ATP6V0A2: variants seen among roughly 807,000 people sequenced by gnomAD.
ATP6V0A2 encodes V-type proton ATPase 116 kDa subunit a 2.
In ATP6V0A2, 58 loss-of-function variants were observed where a neutral mutation model predicts 104.4. The observed-to-expected ratio is 0.56, with a 90% CI of 0.45 to 0.69. The LOEUF is 0.69. Among genes scored for constraint, ATP6V0A2 ranks in the 30% least tolerant of loss-of-function variants. ATP6V0A2 has a pLI of 0.00. For missense variants in ATP6V0A2, 938 were observed against 1,062.9 expected (o/e 0.88, Z 1.63); for synonymous variants, 376 against 397.9 (o/e 0.95, Z 0.65).
At chr12:123,717,530 G>C (rs933762319) in intron 1 of ATP6V0A2, among the ~76,000 whole-genome samples, 1 of 148,242 alleles carries the variant, frequency 6.7e-6, no homozygotes, top group Non-Finnish European at 1.5e-5. Flanking sequence ...CTGCAATCTC[G>C]ATCTCCTGGG....
rs7969410 is a variant in ATP6V0A2, at chr12:123,751,228, G to A, written c.2054G>A (p.Arg685Gln). Residue 685 changes from arginine (R) to glutamine (Q), a missense_variant and splice_region_variant, in exon 16 of 20, where the codon CGG (arginine) becomes CAG (glutamine). By Grantham distance (43) the Arg-to-Gln change is conservative. Transcript: ENST00000330342. ...GGGCGTAGTTGCTTCGGGGTGAACC[G>A]GGTAAGTGCGGGTTTGGATGCATTT... is the stretch of plus-strand genomic sequence containing the variant. Reference protein sequence around the residue: ...HNGRSCFGVNRSGYTLIRKDS... With the variant: ...HNGRSCFGVNQSGYTLIRKDS... 1.3e-3 allele frequency: 2,074 copies of A among 1,614,140 alleles called. 16 individuals are homozygous for A. The African/African-American group carries it at 0.023, about 18-fold the overall frequency.
At chr12:123,750,976 G>GAATGTTCC (rs1956708442) in intron 15 of ATP6V0A2, 134 bp from the exon 16 acceptor site, 2 of 1,233,736 alleles carry the variant, frequency 1.6e-6, no homozygotes. Flanking sequence ...GCTGGCAAGT[G>GAATGTTCC]TAGCTGGCTG....
rs944799611 is a variant in ATP6V0A2, at chr12:123,744,364, A to G, written c.1326+27A>G. On this transcript the variant is annotated intron_variant, in intron 11 of 19. Coordinates refer to ENST00000330342, the MANE Select transcript of ATP6V0A2 (RefSeq NM_012463.4). This position sits in a 1 kb window ranked among gnomAD's most constrained non-coding sequence, Gnocchi z 5.4. ...TAAAAATATAAACACTCCAGCTCATATATCTGGTTAGGTGGCATTAGCAGT... is the reference window on the plus strand; with the variant it reads ...TAAAAATATAAACACTCCAGCTCATGTATCTGGTTAGGTGGCATTAGCAGT... 1.7e-5 allele frequency: 27 copies of G among 1,613,962 alleles called. No homozygotes were observed. Among genetic ancestry groups the G allele is most frequent in the Non-Finnish European group, 2.2e-5 (26 of 1,179,824 alleles).
At position 123,737,067 on chromosome 12, in the gene ATP6V0A2, C is replaced by A. The variant is rs1486158713; in HGVS notation, c.834C>A (p.His278Gln). ...CTGTTGTTCTTCCCCAGGTACTGCACAAAACCGAGGACTATTTGAGGCAAG... is the reference window on the plus strand; with the variant it reads ...CTGTTGTTCTTCCCCAGGTACTGCAAAAAACCGAGGACTATTTGAGGCAAG... ...TRIQDLYTVL[H>Q]KTEDYLRQVL... The change falls in exon 9 of 20, where the codon CAC (histidine) becomes CAA (glutamine). Residue 278 changes from histidine to glutamine, a missense_variant. Transcript: ENST00000330342. The A allele has an allele frequency of 6.2e-7, 1 of 1,614,186 alleles. No individual in the cohort carries two copies. The highest frequency in any genetic ancestry group is 1.1e-5 in the South Asian group (1 of 91,090).
intron 4 of ATP6V0A2, among the ~76,000 whole-genome samples, chr12:123,725,383 A>T (rs1424197187): frequency 1.3e-5 from 2 of 152,166 alleles, no homozygotes; most frequent in East Asian, 1.9e-4. Context: ...GTTGAAAAAA[A>T]TTTTTATGAG....
In ATP6V0A2 at chr12:123,722,405, C is replaced by G; in HGVS notation, c.251C>G (p.Ala84Gly). The change falls in exon 3 of 20, where the codon GCC becomes GGC. Residue 84 changes from alanine (A) to glycine (G), a missense_variant. Transcript: ENST00000330342. ...GATATTCCCCTTCCTGAAGGAGAGGCCAGCCCTCCTGCGCCACCCCTGAAA... is the reference window on the plus strand; with the variant it reads ...GATATTCCCCTTCCTGAAGGAGAGGGCAGCCCTCCTGCGCCACCCCTGAAA... ...RADIPLPEGE[A>G]SPPAPPLKQV... 1 of 1,612,906 alleles carries G rather than the reference C, an allele frequency of 6.2e-7. No individual in the cohort carries two copies. Among genetic ancestry groups the G allele is most frequent in the East Asian group, 2.2e-5 (1 of 44,876 alleles).
Position 123,724,743 on chromosome 12 carries a change from C to T in ATP6V0A2, c.384C>T (p.Tyr128=), listed in dbSNP as rs1251814005. The change falls in exon 4 of 20, where the codon TAC becomes TAT. Residue 128 remains tyrosine, a synonymous_variant. Coordinates refer to ENST00000330342, the MANE Select transcript of ATP6V0A2 (RefSeq NM_012463.4). ...LRKNLLELIE[Y]THMLRVTKTF... is the part of the protein sequence containing the mutation. The stretch of plus-strand genomic sequence containing the variant: ...AAAACTTGCTGGAACTGATAGAGTA[C>T]ACTCACATGCTGAGAGTGACAAAGA... The T allele has an allele frequency of 6.2e-7, 1 of 1,613,712 alleles. No individual in the cohort carries two copies. The highest frequency in any genetic ancestry group is 8.5e-7 in the Non-Finnish European group (1 of 1,179,792).
intron 7 of ATP6V0A2, among the ~76,000 whole-genome samples, chr12:123,734,326 G>C (rs1956530475): frequency 6.6e-6 from 1 of 152,188 alleles, no homozygotes; most frequent in Non-Finnish European, 1.5e-5. Context: ...TGAGCTACCA[G>C]TCGGGCTTAC....
intron 6 of ATP6V0A2, among the ~76,000 whole-genome samples, chr12:123,729,817 T>C (rs1956483644): frequency 6.6e-6 from 1 of 152,006 alleles, no homozygotes; most frequent in Non-Finnish European, 1.5e-5. Flanking sequence ...GATTGATTGA[T>C]TGATTTTTAC....
At chr12:123,727,706 G>T (rs1460075501) in intron 5 of ATP6V0A2, 77 bp from the exon 6 acceptor site, 11 of 1,570,746 alleles carry the variant, frequency 7.0e-6, no homozygotes, top group Non-Finnish European at 9.6e-6. Flanking sequence ...TAGAAATGAA[G>T]TCTTCATCAT....
At chr12:123,757,854 T>TAACAAC in intron 19 of ATP6V0A2, 73 bp from the exon 20 acceptor site, 2 of 967,810 alleles carry the variant, frequency 2.1e-6, no homozygotes, top group Non-Finnish European at 3.1e-6. Context: ...TTTTTTTTTT[T>TAACAAC]AACTTATAAA....
intron 1 of ATP6V0A2, among the ~76,000 whole-genome samples, chr12:123,717,950 G>A (rs905991086): frequency 6.6e-6 from 1 of 151,638 alleles, no homozygotes; most frequent in African/African-American, 2.4e-5. Flanking sequence ...TTTGACCCAG[G>A]GTCTCACTGT....
chr12:123,757,032 C>G, intron 19 of ATP6V0A2, 46 bp downstream of exon 19: 1 of 1,605,358 alleles, frequency 6.2e-7, no homozygotes, highest in Non-Finnish European at 8.5e-7. Flanking sequence ...AAAAACATAC[C>G]CGCCCCCCCA....
rs372872155 is a variant in ATP6V0A2, at chr12:123,759,907, A to G, written c.*1875A>G. ...GATGCCGATGAAATGCTTGAAAATGATTCTGCTCTCAAAGTTATGCTTCCC... is the reference window on the plus strand; with the variant it reads ...GATGCCGATGAAATGCTTGAAAATGGTTCTGCTCTCAAAGTTATGCTTCCC... On this transcript the variant is annotated 3_prime_UTR_variant, in exon 20 of 20. Coordinates refer to ENST00000330342, the MANE Select transcript of ATP6V0A2 (RefSeq NM_012463.4). 2 of 152,218 alleles carry G rather than the reference A, an allele frequency of 1.3e-5. No individual in the cohort carries two copies. Among genetic ancestry groups the G allele is most frequent in the African/African-American group, 4.8e-5 (2 of 41,444 alleles). The allele number at this position is 152,218 out of a possible 1,614,324, so 9.4% of individuals were successfully genotyped here.
Position 123,743,932 on chromosome 12 carries a change from C to T in ATP6V0A2, c.1186C>T (p.Pro396Ser). ...AGTCGGAAGCTACAGAGAAGTCAATCCAGGTTGGAAGTCTGATTTGTAAAT... is the reference window on the plus strand; with the variant it reads ...AGTCGGAAGCTACAGAGAAGTCAATTCAGGTTGGAAGTCTGATTTGTAAAT... Reference protein sequence around the residue: ...YGVGSYREVNPALFTIITFPF... With the variant: ...YGVGSYREVNSALFTIITFPF... Residue 396 changes from proline to serine, a missense_variant, in exon 10 of 20, where the codon CCA becomes TCA. Transcript: ENST00000330342. The T allele has an allele frequency of 1.2e-6, 2 of 1,614,154 alleles. No homozygotes were observed. Among genetic ancestry groups the T allele is most frequent in the Non-Finnish European group, 1.7e-6 (2 of 1,180,028 alleles).
In ATP6V0A2 at chr12:123,718,639, G is replaced by A; in HGVS notation, c.134G>A (p.Ser45Asn). The A allele has an allele frequency of 6.2e-7, 1 of 1,612,380 alleles. No homozygotes were observed. Among genetic ancestry groups the A allele is most frequent in the Non-Finnish European group, 8.5e-7 (1 of 1,179,042 alleles). Reference protein sequence around the residue: ...VQFRDLNQNVSSFQRKFVGEV... With the variant: ...VQFRDLNQNVNSFQRKFVGEV... ...TTTTCTCAGCTCAACCAGAACGTAA[G>A]TTCTTTCCAAAGAAAATTTGTTGGT... Residue 45 changes from serine (S) to asparagine (N), a missense_variant, in exon 2 of 20, where the codon AGT (serine) becomes AAT (asparagine). By Grantham distance (46) the Ser-to-Asn change is conservative. Coordinates refer to ENST00000330342, the MANE Select transcript of ATP6V0A2 (RefSeq NM_012463.4).
chr12:123,734,042 CTT>C, intron 7 of ATP6V0A2, 34 bp downstream of exon 7: 1 of 1,539,222 alleles, frequency 6.5e-7, no homozygotes, highest in Non-Finnish European at 9.0e-7. Flanking sequence ...TCATTTATGT[CTT>C]TATATTCAGT....
intron 3 of ATP6V0A2, 62 bp from the exon 4 acceptor site, chr12:123,724,592 A>G: frequency 2.6e-6 from 4 of 1,566,030 alleles, no homozygotes; most frequent in Non-Finnish European, 3.5e-6. Context: ...CTGCATGAAG[A>G]TTATTGGAAT....
At chr12:123,746,536 G>A (rs1402940481) in intron 13 of ATP6V0A2, among the ~76,000 whole-genome samples, 1 of 150,786 alleles carries the variant, frequency 6.6e-6, no homozygotes, top group African/African-American at 2.4e-5. Flanking sequence ...CAGCTTCTCG[G>A]AAGGCTGAGG....
Sources: allele counts gnomAD v4.1 joint callset (sites outside exome capture counted in the v4.1 genomes callset), GRCh38; gene constraint gnomAD v4.1.1; non-coding constraint Gnocchi (gnomAD v3.1); transcripts MANE v1.5; gene names NCBI Gene and HGNC (gene_info 2026-07-23, HGNC 2026-07-21).